BBS4: variants seen among roughly 807,000 people sequenced by gnomAD.
BBS4 encodes Bardet-Biedl syndrome 4, also known as BBSome complex member BBS4.
In BBS4, 58 loss-of-function variants were observed where a neutral mutation model predicts 71.4. The observed-to-expected ratio is 0.81, with a 90% CI of 0.66 to 1.01. BBS4 has a LOEUF of 1.01. Among genes scored for constraint, BBS4 ranks in the 50% least tolerant of loss-of-function variants. The pLI, the probability that BBS4 is intolerant of heterozygous loss-of-function variation, is 0.00. For synonymous variants in BBS4, 228 were observed against 216.8 expected, an observed-to-expected ratio of 1.05 and a Z score of -0.46; for missense variants, 660 against 607.9, an observed-to-expected ratio of 1.09 and a Z score of -0.90.
At chr15:72,710,768 G>C (rs1294062583) in intron 3 of BBS4, among the ~76,000 whole-genome samples, 3 of 151,662 alleles carry the variant, frequency 2.0e-5, no homozygotes, top group African/African-American at 4.8e-5. Flanking sequence ...ATTCATACTG[G>C]TATGACAAAG....
Position 72,709,783 on chromosome 15 carries a change from A to G in BBS4, c.156+4A>G, listed in dbSNP as rs778683535. ...GAAAGATTATGAAGCCTGCAAGGTA[A>G]GAGATTGCCATAATAATAAAAATGA... On this transcript the variant is annotated splice_donor_region_variant and intron_variant, in intron 3 of 15. Transcript: ENST00000268057. 34 of 1,610,178 alleles carry G rather than the reference A, an allele frequency of 2.1e-5. No individual in the cohort carries two copies. The highest frequency in any genetic ancestry group is 1.6e-4 in the South Asian group (15 of 91,020).
At chr15:72,702,369 T>A (rs530016233) in intron 2 of BBS4, among the ~76,000 whole-genome samples, 88 of 152,284 alleles carry the variant, frequency 5.8e-4, no homozygotes, top group African/African-American at 2.0e-3. Flanking sequence ...AATGTGAGAA[T>A]GTTCTCTGAA....
intron 2 of BBS4, among the ~76,000 whole-genome samples, chr15:72,697,679 G>A (rs769187871): frequency 7.2e-5 from 11 of 152,178 alleles, no homozygotes; most frequent in South Asian, 2.1e-4. Flanking sequence ...GCTGAGAGAC[G>A]TTATTTGAAC....
At chr15:72,723,598 T>A (rs78729232) in intron 7 of BBS4, among the ~76,000 whole-genome samples, 14,011 of 152,288 alleles carry the variant, frequency 0.092, 757 homozygotes, top group Non-Finnish European at 0.12. Flanking sequence ...ATGTTTAGTT[T>A]GTGTCAATTT....
rs777484771 is a variant in BBS4, at chr15:72,731,641, G to A, written c.951G>A (p.Met317Ile). The change falls in exon 12 of 16, where the codon ATG becomes ATA. Residue 317 changes from methionine to isoleucine, a missense_variant. By Grantham distance (10) the Met-to-Ile change is conservative. Transcript: ENST00000268057. ...LYNLGLVHLT[M>I]QQYASAFHFL... ...ATTTGGGCCTTGTCCATTTGACCAT[G>A]CAGCAGTATGCATCAGCTTTTCATT... is the stretch of plus-strand genomic sequence containing the variant. The A allele has an allele frequency of 3.1e-6, 5 of 1,614,206 alleles. No individual in the cohort carries two copies. The highest frequency in any genetic ancestry group is 3.3e-5 in the Admixed American group (2 of 60,032).
chr15:72,729,728 C>T, intron 10 of BBS4, 44 bp downstream of exon 10: 1 of 1,532,776 alleles, frequency 6.5e-7, no homozygotes, highest in Non-Finnish European at 9.0e-7. Flanking sequence ...TAGACGGTCC[C>T]ACTGCTCCTA....
At chr15:72,703,595 G>A (rs2065213733) in intron 2 of BBS4, among the ~76,000 whole-genome samples, 1 of 152,126 alleles carries the variant, frequency 6.6e-6, no homozygotes, top group Admixed American at 6.6e-5. Flanking sequence ...AAATTTTAGG[G>A]GGGATAAATG....
At chr15:72,711,139 A>G (rs931396281) in intron 3 of BBS4, among the ~76,000 whole-genome samples, 1 of 148,230 alleles carries the variant, frequency 6.7e-6, no homozygotes, top group African/African-American at 2.5e-5. Flanking sequence ...CCGAAGGCAG[A>G]TACCAGTATG....
intron 1 of BBS4, among the ~76,000 whole-genome samples, chr15:72,692,128 G>A (rs1381806942): frequency 6.6e-6 from 1 of 151,850 alleles, no homozygotes; most frequent in African/African-American, 2.4e-5. Flanking sequence ...TTATTATGTA[G>A]GTCTTCTGAT....
chr15:72,737,537 GC>G lies in BBS4; in HGVS notation c.1511del (p.Ala504GlyfsTer13). On this transcript the variant is annotated frameshift_variant, in exon 16 of 16. Coordinates refer to ENST00000268057, the MANE Select transcript of BBS4 (RefSeq NM_033028.5). LOFTEE classifies it high-confidence loss of function. The part of the protein sequence containing the change: ...PPSLPLEPEP[A>X]VESSPTETSE... ...ATCTCTTCCTCTGGAGCCAGAGCCT[GC>G]GGTGGAATCAAGTCCAACTGAAACA... 6.2e-7 allele frequency: 1 copy of G among 1,613,056 alleles called. No homozygotes were observed. Among genetic ancestry groups the G allele is most frequent in the Non-Finnish European group, 8.5e-7 (1 of 1,179,630 alleles).
intron 2 of BBS4, chr15:72,698,175 A>T: frequency 3.2e-6 from 1 of 315,936 alleles, no homozygotes; most frequent in East Asian, 7.6e-5. Flanking sequence ...ACTATGTAAA[A>T]AACCTGATCT....
At chr15:72,724,750 A>T (rs1304256509) in intron 8 of BBS4, 95 bp downstream of exon 8, 3 of 1,494,120 alleles carry the variant, frequency 2.0e-6, no homozygotes, top group Non-Finnish European at 2.7e-6. Flanking sequence ...ATGTTTGATT[A>T]ATTACTTACT....
chr15:72,723,880 G>C (rs2065619952), intron 7 of BBS4, among the ~76,000 whole-genome samples: 1 of 152,146 alleles, frequency 6.6e-6, no homozygotes, highest in African/African-American at 2.4e-5. Context: ...TTGGATCTGT[G>C]CTGAGAAGAA....
chr15:72,729,809 T>C (rs2097511314), intron 10 of BBS4, 125 bp downstream of exon 10: 8 of 783,948 alleles, frequency 1.0e-5, no homozygotes, highest in East Asian at 2.6e-5. Context: ...AGAAAAAATA[T>C]AAATAAAAGG....
chr15:72,711,669 C>T (rs1422599770), intron 3 of BBS4, among the ~76,000 whole-genome samples: 1 of 152,134 alleles, frequency 6.6e-6, no homozygotes, highest in East Asian at 1.9e-4. Context: ...AAAAAAACCA[C>T]TGTTAGCTTG....
At chr15:72,733,967 A>T (rs1357333883) in intron 12 of BBS4, among the ~76,000 whole-genome samples, 1 of 152,138 alleles carries the variant, frequency 6.6e-6, no homozygotes, top group African/African-American at 2.4e-5. Context: ...AGCCATTTTG[A>T]CTGGTGTGAG....
Position 72,735,959 on chromosome 15 carries a change from ACT to A in BBS4, c.1244_1245del (p.Ser415Ter). Reference sequence around the variant, plus strand: ...AAGGACAATAGCTCTCTGGAATTTGACTCTGAGGTATGTCTTTTATTAGCTCC... The same window carrying A: ...AAGGACAATAGCTCTCTGGAATTTGACTGAGGTATGTCTTTTATTAGCTCC... On this transcript the variant is annotated frameshift_variant, in exon 14 of 16. Coordinates refer to ENST00000268057, the MANE Select transcript of BBS4 (RefSeq NM_033028.5). LOFTEE classifies it high-confidence loss of function. The A allele has an allele frequency of 6.2e-7, 1 of 1,614,030 alleles. No individual in the cohort carries two copies. Among genetic ancestry groups the A allele is most frequent in the Non-Finnish European group, 8.5e-7 (1 of 1,180,004 alleles).
At chr15:72,735,739 T>G (rs1479818447) in intron 13 of BBS4, 86 bp from the exon 14 acceptor site, 1 of 1,537,632 alleles carries the variant, frequency 6.5e-7, no homozygotes, top group Non-Finnish European at 9.0e-7. Context: ...TAACCAGTTT[T>G]GTTTTGTTTT....
intron 8 of BBS4, 86 bp downstream of exon 8, chr15:72,724,741 T>C (rs772541853): frequency 8.5e-6 from 13 of 1,533,554 alleles, no homozygotes; most frequent in Non-Finnish European, 1.2e-5. Flanking sequence ...AGAGTGAATA[T>C]GTTTGATTAA....
Sources: gnomAD v4.1 joint callset for allele counts (sites outside exome capture counted in the v4.1 genomes callset) on GRCh38, gnomAD v4.1.1 for gene constraint, MANE v1.5 for transcripts, NCBI Gene and HGNC (gene_info 2026-07-23, HGNC 2026-07-21) for gene names.